MSANTD5: variants seen among roughly 807,000 people sequenced by gnomAD.
The protein encoded by MSANTD5 is uncharacterized protein MSANTD5.
upstream of MSANTD5, among the ~76,000 whole-genome samples, chr5:178,702,301 C>CTT (rs372575693): frequency 1.6e-3 from 220 of 133,370 alleles, 2 homozygotes; most frequent in African/African-American, 4.9e-3. Context: ...CTTTTTTTTT[C>CTT]TTTTTTTTTT....
downstream of MSANTD5, among the ~76,000 whole-genome samples, chr5:178,694,189 C>T (rs560987593): frequency 7.2e-5 from 11 of 151,834 alleles, no homozygotes; most frequent in African/African-American, 1.9e-4. Context: ...TGGTGGCGGG[C>T]GCCTGTAATC....
intron 1 of MSANTD5, among the ~76,000 whole-genome samples, 167 bp downstream of exon 1, chr5:178,697,419 A>C (rs987772634): frequency 1.3e-5 from 2 of 152,178 alleles, no homozygotes; most frequent in South Asian, 2.1e-4. Context: ...GCGCCCCTGC[A>C]CTCCAGCCTG....
At chr5:178,697,465 TA>T (rs1765431952) in intron 1 of MSANTD5, 120 bp downstream of exon 1, 1 of 151,916 alleles carries the variant, frequency 6.6e-6, no homozygotes, top group Admixed American at 6.6e-5. Flanking sequence ...AAAATATAAA[TA>T]AATAAAAATA....
chr5:178,695,373 C>T (rs1208259726), exon 3 of MSANTD5: 1 of 152,200 alleles, frequency 6.6e-6, no homozygotes, highest in African/African-American at 2.4e-5. Flanking sequence ...GCACCTTGGC[C>T]TCTGGTTGGC....
chr5:178,693,349 T>G (rs1365425889), downstream of MSANTD5, among the ~76,000 whole-genome samples: 1 of 152,134 alleles, frequency 6.6e-6, no homozygotes, highest in East Asian at 1.9e-4. Flanking sequence ...TTATTCTTTC[T>G]GGTGGGTTCT....
intron 1 of MSANTD5, among the ~76,000 whole-genome samples, chr5:178,696,856 A>AAGC (rs1417682850): frequency 1.3e-5 from 2 of 152,108 alleles, no homozygotes; most frequent in African/African-American, 4.8e-5. Context: ...TCCCCTGTCC[A>AAGC]AGCAGATCAG....
At position 178,697,626 on chromosome 5, in the gene MSANTD5, A is replaced by T. The variant is rs1336219889; in HGVS notation, c.-35T>A. 3 of 151,996 alleles carry T rather than the reference A, an allele frequency of 2.0e-5. No individual in the cohort carries two copies. In the East Asian group the frequency reaches 5.8e-4, roughly 30 times the overall value. The allele number at this position is 151,996 out of a possible 1,614,324, so 9.4% of individuals were successfully genotyped here. A position where few individuals can be genotyped will look rare whatever the true frequency, so the allele number is the denominator to read the frequency against. On this transcript the variant is annotated 5_prime_UTR_variant, in exon 1 of 4. Transcript: ENST00000648368. ...TGAGTTTTCTCCCGGGAGTCTTCTC[A>T]CTGTGCCTGCAGGGTCTGGTCAGTT...
At chr5:178,694,546 G>A (rs1765390455), downstream of MSANTD5, 1 of 152,250 alleles carries the variant, frequency 6.6e-6, no homozygotes, top group Non-Finnish European at 1.5e-5. Context: ...ACAAGCACAA[G>A]CCAGAAAGGG....
chr5:178,694,337 A>T (rs1271087301), downstream of MSANTD5, among the ~76,000 whole-genome samples: 3 of 151,086 alleles, frequency 2.0e-5, no homozygotes, highest in African/African-American at 7.3e-5. Flanking sequence ...AAAAAAAAAA[A>T]AGATTCTATG....
At chr5:178,706,379 G>A in the MSANTD5 span, among the ~76,000 whole-genome samples, 2 of 152,282 alleles carry the variant, frequency 1.3e-5, no homozygotes, top group Non-Finnish European at 2.9e-5. Flanking sequence ...CTCGGGGACA[G>A]TCTGTGGCTC....
upstream of MSANTD5, among the ~76,000 whole-genome samples, chr5:178,701,785 G>A (rs140343024): frequency 0.039 from 5,807 of 147,788 alleles, 171 homozygotes; most frequent in Middle Eastern, 0.074. Flanking sequence ...TGCTCTTTTT[G>A]TCCAGGCTGG....
chr5:178,707,358 C>T, the MSANTD5 span, among the ~76,000 whole-genome samples: 5 of 151,842 alleles, frequency 3.3e-5, no homozygotes, highest in African/African-American at 1.2e-4. Context: ...CATGCAGAAA[C>T]GCAGAATATG....
At chr5:178,696,966 T>C (rs976346867) in intron 1 of MSANTD5, among the ~76,000 whole-genome samples, 4 of 151,900 alleles carry the variant, frequency 2.6e-5, no homozygotes, top group African/African-American at 9.7e-5. Context: ...AGAATCTGAG[T>C]CTCCGCAGCT....
chr5:178,697,202 C>A (rs1016744832), intron 1 of MSANTD5, among the ~76,000 whole-genome samples: 12 of 152,308 alleles, frequency 7.9e-5, no homozygotes, highest in African/African-American at 2.2e-4. Context: ...CGCCTGTAAT[C>A]CCAGCACTTT....
chr5:178,693,928 G>A (rs964058828), downstream of MSANTD5, among the ~76,000 whole-genome samples: 1 of 152,046 alleles, frequency 6.6e-6, no homozygotes, highest in Non-Finnish European at 1.5e-5. Context: ...AACACACAGT[G>A]ATTATGCCAC....
the MSANTD5 span, among the ~76,000 whole-genome samples, chr5:178,703,661 T>G: frequency 3.3e-5 from 5 of 151,784 alleles, no homozygotes; most frequent in African/African-American, 7.3e-5. Context: ...TATGAGAGAG[T>G]AATTTGACAG....
intron 1 of MSANTD5, among the ~76,000 whole-genome samples, chr5:178,697,046 G>A (rs1380113649): frequency 6.6e-6 from 1 of 152,046 alleles, no homozygotes; most frequent in Non-Finnish European, 1.5e-5. Context: ...TCAGCAGTGG[G>A]GTCAAATTAC....
upstream of MSANTD5, among the ~76,000 whole-genome samples, chr5:178,701,533 A>G (rs1374342213): frequency 1.3e-5 from 2 of 151,102 alleles, no homozygotes; most frequent in East Asian, 2.0e-4. Context: ...TTAGTCAGGT[A>G]TGGTGGTGCA....
chr5:178,707,223 T>C, the MSANTD5 span: 1 of 152,126 alleles, frequency 6.6e-6, no homozygotes, highest in Non-Finnish European at 1.5e-5. Flanking sequence ...GAATATCGAA[T>C]GACAACAGAA....
Sources: allele counts gnomAD v4.1 joint callset (sites outside exome capture counted in the v4.1 genomes callset), GRCh38; gene constraint gnomAD v4.1.1; transcripts MANE v1.5; gene names NCBI Gene and HGNC (gene_info 2026-07-23, HGNC 2026-07-21).